SLC25A21: variants seen among roughly 807,000 people sequenced by gnomAD.
SLC25A21 encodes solute carrier family 25 member 21.
In SLC25A21, 47 loss-of-function variants were observed where a neutral mutation model predicts 43.8. That is an observed-to-expected ratio of 1.07 (90% CI 0.85 to 1.37). The LOEUF (loss-of-function observed/expected upper bound fraction) is 1.37, where lower values mean the gene tolerates loss of function less well. Ranked by LOEUF, SLC25A21 falls within the 40% of genes most tolerant of loss-of-function variation. The pLI, the probability that SLC25A21 is intolerant of heterozygous loss-of-function variation, is 0.00. For missense variants in SLC25A21, 352 were observed against 350.2 expected, an observed-to-expected ratio of 1.00 and a Z score of -0.04; for synonymous variants, 131 against 121.3, an observed-to-expected ratio of 1.08 and a Z score of -0.52.
chr14:36,873,363 T>G (rs1044974689), intron 2 of SLC25A21, among the ~76,000 whole-genome samples: 1 of 152,160 alleles, frequency 6.6e-6, no homozygotes, highest in African/African-American at 2.4e-5. Flanking sequence ...TGGTGCGATC[T>G]CGGCTCACTG....
At chr14:36,922,928 C>T (rs927135831) in intron 1 of SLC25A21, among the ~76,000 whole-genome samples, 6 of 152,000 alleles carry the variant, frequency 3.9e-5, no homozygotes, top group African/African-American at 1.2e-4. Context: ...ATTTACAATG[C>T]CCAGAATTCA....
At chr14:36,949,124 A>C (rs187058946) in intron 1 of SLC25A21, among the ~76,000 whole-genome samples, 1 of 152,346 alleles carries the variant, frequency 6.6e-6, no homozygotes, top group East Asian at 1.9e-4. Context: ...CCAGTGTCTG[A>C]ATATCAGTCC....
chr14:36,884,245 T>C (rs968224591), intron 1 of SLC25A21, among the ~76,000 whole-genome samples: 2 of 152,194 alleles, frequency 1.3e-5, no homozygotes, highest in Admixed American at 6.6e-5. Context: ...TATTTGTCTA[T>C]TCATGTCTTG....
chr14:37,005,009 A>G (rs1960568599), intron 1 of SLC25A21, among the ~76,000 whole-genome samples: 1 of 150,064 alleles, frequency 6.7e-6, no homozygotes, highest in South Asian at 2.1e-4. Context: ...CTATCCCTTC[A>G]GAGCCCAGCT....
At chr14:36,734,414 A>ATC (rs1884948671) in intron 4 of SLC25A21, 93 bp downstream of exon 4, 7 of 881,692 alleles carry the variant, frequency 7.9e-6, no homozygotes, top group African/African-American at 2.1e-5. Context: ...TTAGTGCTTT[A>ATC]TATATAATTC....
intron 1 of SLC25A21, among the ~76,000 whole-genome samples, chr14:37,065,837 A>G (rs776491214): frequency 6.6e-6 from 1 of 152,246 alleles, no homozygotes; most frequent in Non-Finnish European, 1.5e-5. Flanking sequence ...AGAGGAAAAA[A>G]ATTAACAAAA....
intron 1 of SLC25A21, among the ~76,000 whole-genome samples, chr14:36,937,642 T>C (rs971870969): frequency 1.3e-5 from 2 of 152,202 alleles, no homozygotes; most frequent in Admixed American, 1.3e-4. Context: ...AATTTTGGAT[T>C]GTGAAGGAAA....
chr14:36,936,787 C>T (rs147803027), intron 1 of SLC25A21, among the ~76,000 whole-genome samples: 1 of 152,232 alleles, frequency 6.6e-6, no homozygotes, highest in African/African-American at 2.4e-5. Flanking sequence ...AGAAGAAAAT[C>T]ATGCAGTCTC....
At chr14:36,885,415 T>C (rs1025203095) in intron 1 of SLC25A21, among the ~76,000 whole-genome samples, 3 of 152,198 alleles carry the variant, frequency 2.0e-5, no homozygotes, top group African/African-American at 7.2e-5. Context: ...CAGCGTCATG[T>C]TTGCTCGAGG....
At chr14:36,954,730 T>C (rs972983089) in intron 1 of SLC25A21, among the ~76,000 whole-genome samples, 1 of 152,182 alleles carries the variant, frequency 6.6e-6, no homozygotes, top group Non-Finnish European at 1.5e-5. Context: ...AAATGTTAAC[T>C]AGCTCGATTG....
At chr14:36,778,890 C>G (rs570136477) in intron 3 of SLC25A21, among the ~76,000 whole-genome samples, 13 of 152,050 alleles carry the variant, frequency 8.5e-5, no homozygotes, top group Non-Finnish European at 1.6e-4. Flanking sequence ...ACATTATTAA[C>G]TATAGTTTCC....
chr14:37,079,995 C>T (rs1332384139), intron 1 of SLC25A21, among the ~76,000 whole-genome samples: 1 of 152,128 alleles, frequency 6.6e-6, no homozygotes, highest in Non-Finnish European at 1.5e-5. Flanking sequence ...TATGAAGACC[C>T]AGCTAGAAGC....
At position 36,679,619 on chromosome 14, in the gene SLC25A21, T is replaced by G. The variant is rs1386529198; in HGVS notation, c.*1039A>C. 18 of 985,286 alleles carry G rather than the reference T, an allele frequency of 1.8e-5. No homozygotes were observed. The highest frequency in any genetic ancestry group is 2.2e-5 in the Non-Finnish European group (18 of 829,914). 61.0% of individuals were successfully genotyped at this position (985,286 alleles called of 1,614,324 possible). On this transcript the variant is annotated 3_prime_UTR_variant, in exon 10 of 10. Transcript: ENST00000331299. ...CTAAGTGTATTTCTTTTTCAGAACA[T>G]TTCCCCTTCATCATACATATTTTAA...
intron 1 of SLC25A21, among the ~76,000 whole-genome samples, chr14:37,130,524 T>C (rs927883824): frequency 1.3e-5 from 2 of 152,220 alleles, no homozygotes; most frequent in African/African-American, 2.4e-5. Flanking sequence ...TATGTTATAA[T>C]GCTTAGAGCA....
chr14:36,860,692 G>A (rs1008881562), intron 2 of SLC25A21, among the ~76,000 whole-genome samples: 7 of 152,148 alleles, frequency 4.6e-5, no homozygotes, highest in South Asian at 2.1e-4. Flanking sequence ...TTTCTAACGC[G>A]TACTTCTTAC....
intron 7 of SLC25A21, among the ~76,000 whole-genome samples, chr14:36,702,475 CAAAAA>C (rs1213350246): frequency 1.1e-4 from 7 of 66,162 alleles, no homozygotes; most frequent in African/African-American, 3.5e-4. Flanking sequence ...CCTGTCTCCA[CAAAAA>C]AAAAAAAAAA....
rs564592395 is a variant in SLC25A21, at chr14:36,849,203, G to A, written c.119+25753C>T. 3.9e-5 allele frequency among the ~76,000 whole-genome samples: 6 copies of A among 152,164 alleles called. No homozygotes were observed. The South Asian group carries it at 1.2e-3, about 32-fold the overall frequency. ...TTTGAGTTTGCTATGGGCTGCTTGGGGTACATCCCTAGATAACTCTCCTCT... is the reference window on the plus strand; with the variant it reads ...TTTGAGTTTGCTATGGGCTGCTTGGAGTACATCCCTAGATAACTCTCCTCT... On this transcript the variant is annotated intron_variant, in intron 2 of 9. Transcript: ENST00000331299.
At chr14:36,822,603 A>G (rs1458207622) in intron 2 of SLC25A21, among the ~76,000 whole-genome samples, 1 of 152,242 alleles carries the variant, frequency 6.6e-6, no homozygotes, top group African/African-American at 2.4e-5. Context: ...GTCAGCCTAG[A>G]TAATTACCAC....
rs538193667 is a variant in SLC25A21 at position 37,015,516 on chromosome 14, C to T, written c.71-140512G>A. 4.2e-4 allele frequency among the ~76,000 whole-genome samples: 64 copies of T among 151,944 alleles called. No homozygotes were observed. The South Asian group carries it at 0.013, about 30-fold the overall frequency. On this transcript the variant is annotated intron_variant, in intron 1 of 9. Coordinates refer to ENST00000331299, the MANE Select transcript of SLC25A21 (RefSeq NM_030631.4). The stretch of plus-strand genomic sequence containing the variant: ...ACAATAGACATACGTGTGCATGTGT[C>T]TTTATAGCAGCATGATTTATAGTCA...
Sources: allele counts gnomAD v4.1 joint callset (sites outside exome capture counted in the v4.1 genomes callset), GRCh38; gene constraint gnomAD v4.1.1; transcripts MANE v1.5; gene names NCBI Gene and HGNC (gene_info 2026-07-23, HGNC 2026-07-21).